Variants in COA1 observed in about 807,000 individuals in gnomAD.
The protein encoded by COA1 is cytochrome c oxidase assembly factor 1.
A neutral mutation model predicts 16.0 loss-of-function variants in COA1; 13 were observed. The ratio of observed to expected loss-of-function variants is 0.81; its 90% confidence interval spans 0.53 to 1.29. COA1 has a LOEUF of 1.29. COA1 is among the 50% of genes most tolerant of loss of function. The pLI is 0.00. For synonymous variants in COA1, 65 were observed against 65.7 expected (o/e 0.99, Z 0.05); for missense variants, 179 against 177.0 (o/e 1.01, Z -0.06).
chr7:43,694,504 G>A (rs760125302), intron 1 of COA1, among the ~76,000 whole-genome samples: 5 of 152,046 alleles, frequency 3.3e-5, no homozygotes, highest in Non-Finnish European at 4.4e-5. Flanking sequence ...AATTCTCAGC[G>A]CTCATTTTAC....
intron 1 of COA1, among the ~76,000 whole-genome samples, chr7:43,661,567 G>A (rs1023792083): frequency 4.0e-5 from 6 of 151,642 alleles, no homozygotes; most frequent in East Asian, 1.9e-4. Flanking sequence ...CCCGGGAGGC[G>A]GAGCTTGCAG....
At chr7:43,624,941 C>A in intron 6 of COA1, 2 of 1,093,262 alleles carry the variant, frequency 1.8e-6, no homozygotes, top group Non-Finnish European at 2.6e-6. Flanking sequence ...AAGTGGATAA[C>A]CAGTATCACT....
intron 1 of COA1, among the ~76,000 whole-genome samples, chr7:43,677,713 C>T (rs988993171): frequency 1.3e-5 from 2 of 148,492 alleles, no homozygotes; most frequent in African/African-American, 2.5e-5. Context: ...GCAAGAGAAT[C>T]GCTTGAATCT....
chr7:43,668,621 A>C (rs1161210836), intron 1 of COA1, among the ~76,000 whole-genome samples: 1 of 152,188 alleles, frequency 6.6e-6, no homozygotes, highest in Non-Finnish European at 1.5e-5. Flanking sequence ...ATTCCTGTGA[A>C]TCAAGTGGCG....
intron 1 of COA1, among the ~76,000 whole-genome samples, chr7:43,669,151 CAGAA>C (rs2093087272): frequency 6.6e-6 from 1 of 152,252 alleles, no homozygotes; most frequent in Non-Finnish European, 1.5e-5. Context: ...AGGAAATAGC[CAGAA>C]AGAGTCATCA....
rs1584310597 is a variant in COA1, at chr7:43,645,375, T to C, written c.140A>G (p.Tyr47Cys). Residue 47 changes from tyrosine to cysteine, a missense_variant, in exon 4 of 6, where the codon TAC (tyrosine) becomes TGC (cysteine). Physicochemically the swap from Tyr to Cys is radical, Grantham distance 194. Transcript: ENST00000223336. ...CTGCAGCTGCTCCACTGCCAACTTG[T>C]AATATAAAGCCCTGGAATGAAACTC... Reference protein sequence around the residue: ...IQKFHSRALYYKLAVEQLQSH... With the variant: ...IQKFHSRALYCKLAVEQLQSH... 2 of 1,614,106 alleles carry C rather than the reference T, an allele frequency of 1.2e-6. No individual in the cohort carries two copies. Among genetic ancestry groups the C allele is most frequent in the South Asian group, 2.2e-5 (2 of 91,088 alleles).
chr7:43,715,109 T>C (rs1463809434), intron 1 of COA1, among the ~76,000 whole-genome samples: 1 of 151,960 alleles, frequency 6.6e-6, no homozygotes, highest in Non-Finnish European at 1.5e-5. Flanking sequence ...ATTTAGAAGT[T>C]ATCATTCTTA....
downstream of COA1, among the ~76,000 whole-genome samples, chr7:43,635,724 A>G (rs1253168139): frequency 2.0e-5 from 3 of 152,196 alleles, no homozygotes; most frequent in African/African-American, 4.8e-5. Context: ...CAGTTCACTA[A>G]TATTTTATTT....
intron 1 of COA1, among the ~76,000 whole-genome samples, chr7:43,706,315 A>T (rs1280746181): frequency 6.6e-6 from 1 of 151,574 alleles, no homozygotes; most frequent in Non-Finnish European, 1.5e-5. Flanking sequence ...AGGCAGGCAG[A>T]TCACTTGAGC....
intron 1 of COA1, among the ~76,000 whole-genome samples, chr7:43,678,372 C>A (rs1054372621): frequency 6.6e-6 from 1 of 152,126 alleles, no homozygotes; most frequent in Non-Finnish European, 1.5e-5. Flanking sequence ...AAAAGTATAA[C>A]ACTCTTAGAA....
At chr7:43,727,835 A>G (rs1200439835) in intron 1 of COA1, among the ~76,000 whole-genome samples, 1 of 152,262 alleles carries the variant, frequency 6.6e-6, no homozygotes, top group Non-Finnish European at 1.5e-5. Flanking sequence ...ACAAAAGAAT[A>G]CAAGAATAAC....
chr7:43,679,224 A>G (rs1468373898), intron 1 of COA1, among the ~76,000 whole-genome samples: 1 of 143,166 alleles, frequency 7.0e-6, no homozygotes, highest in Admixed American at 7.5e-5. Flanking sequence ...CCGGGATCGC[A>G]GCACTGTGCT....
downstream of COA1, among the ~76,000 whole-genome samples, chr7:43,634,807 C>G (rs1404334826): frequency 6.6e-6 from 1 of 152,206 alleles, no homozygotes; most frequent in East Asian, 1.9e-4. Context: ...GCTAGAGACA[C>G]CAGGCTTTGC....
intron 1 of COA1, among the ~76,000 whole-genome samples, chr7:43,690,483 A>C (rs1341101773): frequency 1.3e-5 from 2 of 152,198 alleles, no homozygotes; most frequent in Non-Finnish European, 2.9e-5. Context: ...ACACACATAC[A>C]TATATACACC....
At chr7:43,608,857 GA>G (rs2082651944) in exon 7 of COA1, 1 of 112,078 alleles carries the variant, frequency 8.9e-6, no homozygotes, top group Non-Finnish European at 2.4e-5. Context: ...AGACATAGAT[GA>G]TTTTTGAGCC....
chr7:43,690,211 A>G (rs1035461945), intron 1 of COA1, among the ~76,000 whole-genome samples: 1 of 152,204 alleles, frequency 6.6e-6, no homozygotes, highest in African/African-American at 2.4e-5. Flanking sequence ...TTAAAGAACT[A>G]AAAGCAACCT....
At chr7:43,629,243 A>G (rs1432926027) in intron 6 of COA1, among the ~76,000 whole-genome samples, 1 of 152,186 alleles carries the variant, frequency 6.6e-6, no homozygotes, top group Non-Finnish European at 1.5e-5. Context: ...CAGGTAAAAC[A>G]GACGTTCTAA....
At chr7:43,682,267 T>C (rs970028039) in intron 1 of COA1, among the ~76,000 whole-genome samples, 2 of 152,224 alleles carry the variant, frequency 1.3e-5, no homozygotes, top group Non-Finnish European at 2.9e-5. Context: ...ATGTAGTAAG[T>C]AGTTAGTAGA....
intron 1 of COA1, among the ~76,000 whole-genome samples, chr7:43,690,987 G>T (rs2094251300): frequency 1.4e-5 from 2 of 142,964 alleles, no homozygotes; most frequent in Non-Finnish European, 3.0e-5. Context: ...GGAAGCTAAG[G>T]CAGGAGACTC....
Sources: allele counts gnomAD v4.1 joint callset (sites outside exome capture counted in the v4.1 genomes callset), GRCh38; gene constraint gnomAD v4.1.1; transcripts MANE v1.5; gene names NCBI Gene and HGNC (gene_info 2026-07-23, HGNC 2026-07-21).